Variants in LAMA2 observed in about 807,000 individuals in gnomAD.
The protein encoded by LAMA2 is laminin subunit alpha-2.
Under a neutral mutation model 364.8 loss-of-function variants are expected in LAMA2, and 269 were observed. The observed-to-expected ratio is 0.74, with a 90% CI of 0.67 to 0.82. The LOEUF is 0.82. LAMA2 is among the 40% of genes least tolerant of loss of function. The pLI, the probability that LAMA2 is intolerant of heterozygous loss-of-function variation, is 0.00. For missense variants in LAMA2, 3,807 were observed against 3,873.2 expected, an observed-to-expected ratio of 0.98 and a Z score of 0.45; for synonymous variants, 1,379 against 1,370.6, an observed-to-expected ratio of 1.01 and a Z score of -0.14.
chr6:129,304,575 A>G (rs766366582), intron 22 of LAMA2, among the ~76,000 whole-genome samples: 4 of 152,188 alleles, frequency 2.6e-5, no homozygotes, highest in African/African-American at 7.2e-5. Flanking sequence ...TTGTGTTCCA[A>G]GTTTCTTAAG....
chr6:129,041,526 T>C (rs1267425598), intron 1 of LAMA2, among the ~76,000 whole-genome samples: 1 of 152,202 alleles, frequency 6.6e-6, no homozygotes, highest in Admixed American at 6.5e-5. Context: ...ATTTAAGAAA[T>C]GTCAATTTAA....
At chr6:129,175,814 C>A (rs1338979380) in intron 9 of LAMA2, among the ~76,000 whole-genome samples, 2 of 152,012 alleles carry the variant, frequency 1.3e-5, no homozygotes, top group Non-Finnish European at 2.9e-5. Flanking sequence ...ATGTTCTGCA[C>A]ATGTATTCCA....
At chr6:129,151,779 C>T (rs1210229894) in intron 7 of LAMA2, among the ~76,000 whole-genome samples, 1 of 152,052 alleles carries the variant, frequency 6.6e-6, no homozygotes, top group Non-Finnish European at 1.5e-5. Flanking sequence ...GGGGAGCTGC[C>T]CCCTTGATCC....
chr6:129,247,806 C>A (rs973441158), intron 12 of LAMA2, among the ~76,000 whole-genome samples: 1 of 152,162 alleles, frequency 6.6e-6, no homozygotes, highest in Non-Finnish European at 1.5e-5. Context: ...ACTATTATCG[C>A]TATTATTATT....
chr6:128,978,289 AT>A (rs1007279260), intron 1 of LAMA2, among the ~76,000 whole-genome samples: 10 of 150,818 alleles, frequency 6.6e-5, no homozygotes, highest in Non-Finnish European at 8.9e-5. Flanking sequence ...CCTTTCAGAA[AT>A]TTTTTTTTCT....
intron 1 of LAMA2, among the ~76,000 whole-genome samples, chr6:128,965,539 C>T (rs1781784678): frequency 6.6e-6 from 1 of 151,952 alleles, no homozygotes; most frequent in African/African-American, 2.4e-5. Context: ...TTATTTTCCT[C>T]TTGTTTCTTG....
intron 56 of LAMA2, chr6:129,490,888 A>G (rs1301399645): frequency 6.6e-6 from 1 of 152,108 alleles, no homozygotes; most frequent in Non-Finnish European, 1.5e-5. Context: ...CCACAGCGAA[A>G]TCCATTTTTT....
In LAMA2 at chr6:129,502,868, G is replaced by T; in HGVS notation, c.8357+97G>T. 8.7e-6 allele frequency: 8 copies of T among 916,658 alleles called. 1 individual carries two copies. The highest frequency in any genetic ancestry group is 4.2e-5 in the South Asian group (3 of 72,258). 56.8% of individuals were successfully genotyped at this position (916,658 alleles called of 1,614,324 possible). On this transcript the variant is annotated intron_variant, in intron 59 of 64. Transcript: ENST00000421865. ...GAATCTACTACACTTATTAATTAAT[G>T]AAGTTAGCTTTTCTTTTATTCACTG...
intron 10 of LAMA2, among the ~76,000 whole-genome samples, chr6:129,188,136 T>C (rs1025214663): frequency 5.3e-5 from 8 of 151,894 alleles, no homozygotes; most frequent in African/African-American, 1.9e-4. Context: ...CCTTGCATTA[T>C]AGTTGATTGT....
rs748160882 is a variant in LAMA2 at position 129,353,266 on chromosome 6, C to T, written c.4626C>T (p.Val1542=). 3.1e-6 allele frequency: 5 copies of T among 1,614,028 alleles called. No homozygotes were observed. The South Asian group carries it at 5.5e-5, about 18-fold the overall frequency. Residue 1542 remains valine (V), a synonymous_variant, in exon 32 of 65, where the codon GTC becomes GTT. Transcript: ENST00000421865. ...YGSLPVPCDP[V]TGFCTCRPGA... ...CACTGCCTGTGCCCTGTGACCCTGT[C>T]ACAGGATTCTGCACGTGCCGACCTG...
intron 41 of LAMA2, among the ~76,000 whole-genome samples, chr6:129,432,401 C>T (rs1413304199): frequency 6.6e-6 from 1 of 152,164 alleles, no homozygotes; most frequent in Non-Finnish European, 1.5e-5. Flanking sequence ...CCAACCCCAC[C>T]ATGTGAGTAG....
intron 1 of LAMA2, among the ~76,000 whole-genome samples, chr6:128,975,674 A>G (rs531287710): frequency 6.6e-6 from 1 of 152,260 alleles, no homozygotes; most frequent in East Asian, 1.9e-4. Flanking sequence ...ATGATAGTGA[A>G]TAAGTCTCAC....
At chr6:129,484,107 T>C (rs959263250) in intron 55 of LAMA2, among the ~76,000 whole-genome samples, 3 of 152,196 alleles carry the variant, frequency 2.0e-5, no homozygotes, top group Admixed American at 6.5e-5. Context: ...TGCATTAAAA[T>C]TAAACTCTTT....
intron 3 of LAMA2, 37 bp from the exon 4 acceptor site, chr6:129,098,136 G>T: frequency 6.2e-7 from 1 of 1,608,140 alleles, no homozygotes; most frequent in South Asian, 1.1e-5. Context: ...AGAATATTTG[G>T]GAATTCAATG....
At chr6:129,013,450 T>A (rs760033870) in intron 1 of LAMA2, among the ~76,000 whole-genome samples, 3,441 of 149,274 alleles carry the variant, frequency 0.023, 107 homozygotes, top group African/African-American at 0.073. Context: ...AAAAAAAAAA[T>A]TTTTTTTGAA....
Position 129,316,122 on chromosome 6 carries a change from C to G in LAMA2, c.4009C>G (p.His1337Asp). 6.2e-7 allele frequency: 1 copy of G among 1,606,130 alleles called. No individual in the cohort carries two copies. Among genetic ancestry groups the G allele is most frequent in the Non-Finnish European group, 8.5e-7 (1 of 1,173,174 alleles). ...CTTCTTGGATATACTATATGATATT[C>G]ATTACATTCTTATCAAAGCTACTTA... is the stretch of plus-strand genomic sequence containing the variant. ...EDFLDILYDI[H>D]YILIKATYGN... The change falls in exon 27 of 65, where the codon CAT becomes GAT. Residue 1337 changes from histidine to aspartate, a missense_variant. Physicochemically the swap from His to Asp is moderately conservative, Grantham distance 81 (BLOSUM62 -1). Transcript: ENST00000421865.
intron 37 of LAMA2, among the ~76,000 whole-genome samples, chr6:129,396,136 G>A (rs1470696991): frequency 6.6e-6 from 1 of 152,194 alleles, no homozygotes; most frequent in Non-Finnish European, 1.5e-5. Context: ...GGAAAATAGT[G>A]TGATATTAGG....
At chr6:129,163,355 C>T (rs981026465) in intron 8 of LAMA2, among the ~76,000 whole-genome samples, 1 of 152,072 alleles carries the variant, frequency 6.6e-6, no homozygotes, top group African/African-American at 2.4e-5. Context: ...CTCATTAGGC[C>T]GGGCACAGTG....
chr6:128,891,501 A>C (rs2114385233), intron 1 of LAMA2, among the ~76,000 whole-genome samples: 1 of 152,208 alleles, frequency 6.6e-6, no homozygotes, highest in Non-Finnish European at 1.5e-5. Context: ...TTGTCATTTC[A>C]GTGAGCTACC....
Sources: allele counts gnomAD v4.1 joint callset (sites outside exome capture counted in the v4.1 genomes callset), GRCh38; gene constraint gnomAD v4.1.1; transcripts MANE v1.5; gene names NCBI Gene and HGNC (gene_info 2026-07-23, HGNC 2026-07-21).